The following AKAP10 variants were observed in gnomAD, a reference collection of about 807,000 sequenced individuals.
AKAP10 encodes the protein A-kinase anchoring protein 10.
In AKAP10, 24 loss-of-function variants were observed where a neutral mutation model predicts 80.8. That is an observed-to-expected ratio of 0.30 (90% confidence interval 0.22 to 0.42). The LOEUF is 0.42. Ranked by LOEUF, AKAP10 falls within the 10% of genes least tolerant of loss-of-function variation. AKAP10 has a pLI of 1.00. For missense variants in AKAP10, 661 were observed against 794.9 expected (o/e 0.83, Z 2.03); for synonymous variants, 291 against 277.7 (o/e 1.05, Z -0.48).
chr17:19,931,679 C>G, intron 10 of AKAP10, 126 bp downstream of exon 10: 1 of 1,177,206 alleles, frequency 8.5e-7, no homozygotes. Flanking sequence ...GCACAGGCCA[C>G]TGTGCCTGGC....
intron 11 of AKAP10, among the ~76,000 whole-genome samples, chr17:19,923,936 C>T (rs1331607583): frequency 6.6e-6 from 1 of 152,088 alleles, no homozygotes; most frequent in Non-Finnish European, 1.5e-5. Context: ...CCTTTACACA[C>T]CTTTACATGT....
At chr17:19,916,520 T>C (rs1025865186) in intron 12 of AKAP10, among the ~76,000 whole-genome samples, 2 of 151,892 alleles carry the variant, frequency 1.3e-5, no homozygotes, top group African/African-American at 4.8e-5. Context: ...TTAATTCATA[T>C]AAAACAAACA....
At chr17:19,966,667 G>A (rs1265137359) in intron 2 of AKAP10, among the ~76,000 whole-genome samples, 1 of 152,112 alleles carries the variant, frequency 6.6e-6, no homozygotes, top group Non-Finnish European at 1.5e-5. Flanking sequence ...GAATTTTTTA[G>A]CCCAGTAGAG....
intron 12 of AKAP10, among the ~76,000 whole-genome samples, chr17:19,916,888 C>G (rs1169959861): frequency 2.1e-5 from 3 of 145,762 alleles, no homozygotes; most frequent in African/African-American, 5.1e-5. Context: ...AGTGAGCCGA[C>G]ATCGTGCCAC....
rs961615716 is a variant in AKAP10, at chr17:19,957,906, G to A, written c.877+108C>T. On this transcript the variant is annotated intron_variant, in intron 4 of 14. Transcript: ENST00000225737. ...CTCCCAAATTTACAAGTAGTTAGAG[G>A]AGAAAAAAAATATTCCAATCATTTT... is the stretch of plus-strand genomic sequence containing the variant. The A allele has an allele frequency of 3.3e-6, 4 of 1,214,112 alleles. No homozygotes were observed. In the African/African-American group the frequency reaches 6.1e-5, roughly 19 times the overall value. 75.2% of individuals were successfully genotyped at this position (1,214,112 alleles called of 1,614,324 possible).
intron 7 of AKAP10, 52 bp downstream of exon 7, chr17:19,940,834 TA>T (rs2043044092): frequency 1.3e-6 from 2 of 1,522,264 alleles, no homozygotes; most frequent in Non-Finnish European, 1.8e-6. Context: ...CCAGCATTGA[TA>T]GTTAGAGGCT....
chr17:19,920,431 G>T (rs933338982), intron 11 of AKAP10, among the ~76,000 whole-genome samples: 2 of 152,102 alleles, frequency 1.3e-5, no homozygotes, highest in Non-Finnish European at 2.9e-5. Context: ...TTTTGTAAAA[G>T]AAGCACCCAA....
chr17:19,908,413 T>C (rs928161165), intron 14 of AKAP10, among the ~76,000 whole-genome samples: 13 of 152,150 alleles, frequency 8.5e-5, no homozygotes, highest in African/African-American at 3.1e-4. Context: ...GCCAGATCCT[T>C]CTGGCCATGA....
chr17:19,946,253 A>ATATATATATATATT (rs2043119474), intron 5 of AKAP10, among the ~76,000 whole-genome samples: 1 of 20,822 alleles, frequency 4.8e-5, no homozygotes, highest in African/African-American at 1.9e-4. Context: ...ATATATATAT[A>ATATATATATATATT]TATATATATA....
At chr17:19,942,615 T>A (rs1356898314) in intron 5 of AKAP10, among the ~76,000 whole-genome samples, 1 of 152,208 alleles carries the variant, frequency 6.6e-6, no homozygotes, top group Non-Finnish European at 1.5e-5. Context: ...GTAAAAAAGT[T>A]TATTAAAATG....
chr17:19,951,794 G>A (rs1324530109), intron 4 of AKAP10, among the ~76,000 whole-genome samples: 4 of 151,514 alleles, frequency 2.6e-5, no homozygotes, highest in African/African-American at 9.7e-5. Context: ...GAAAACCAGA[G>A]ACCTTGTTCA....
At chr17:19,921,045 T>A (rs1302338607) in intron 11 of AKAP10, among the ~76,000 whole-genome samples, 1 of 145,312 alleles carries the variant, frequency 6.9e-6, no homozygotes, top group Non-Finnish European at 1.5e-5. Context: ...CCAACAGAAA[T>A]AATGTGAAAA....
chr17:19,936,138 G>A (rs1303017484), intron 9 of AKAP10, 148 bp downstream of exon 9: 2 of 836,432 alleles, frequency 2.4e-6, no homozygotes, highest in East Asian at 5.4e-5. Flanking sequence ...GTACATACCA[G>A]GCCAGACTCA....
chr17:19,906,907 TTC>T (rs1289911016), intron 14 of AKAP10, among the ~76,000 whole-genome samples: 1 of 152,188 alleles, frequency 6.6e-6, no homozygotes, highest in Non-Finnish European at 1.5e-5. Context: ...GGTGTCGAAT[TTC>T]TCTGATCTAC....
At chr17:19,908,768 T>C (rs889539379) in intron 14 of AKAP10, among the ~76,000 whole-genome samples, 3 of 152,028 alleles carry the variant, frequency 2.0e-5, no homozygotes, top group African/African-American at 7.3e-5. Flanking sequence ...GCCTCCCAAA[T>C]AGTTGGGATT....
chr17:19,962,295 TACACACACACACAC>T (rs36115670), intron 3 of AKAP10, among the ~76,000 whole-genome samples: 1 of 125,054 alleles, frequency 8.0e-6, no homozygotes, highest in African/African-American at 3.1e-5. Context: ...TACATACATA[TACACACACACACAC>T]ACACACACAC....
chr17:19,956,958 C>T lies in AKAP10; in HGVS notation c.877+1056G>A, dbSNP rs2043284075. Among the ~76,000 whole-genome samples, 4 of 152,056 alleles carry T rather than the reference C, an allele frequency of 2.6e-5. No homozygotes were observed. In the South Asian group the frequency reaches 8.3e-4, roughly 32 times the overall value. On this transcript the variant is annotated intron_variant, in intron 4 of 14. Transcript: ENST00000225737. ...GAGGAAGGAAATAACATGCTGAAAA[C>T]TTGATTCAGTAGCAGATTAGACCTC... is the stretch of plus-strand genomic sequence containing the variant.
chr17:19,966,165 T>C (rs1017562487), intron 2 of AKAP10, among the ~76,000 whole-genome samples: 1 of 152,090 alleles, frequency 6.6e-6, no homozygotes, highest in Non-Finnish European at 1.5e-5. Flanking sequence ...AAACTGAACA[T>C]ATAATTTCCT....
At chr17:19,916,930 C>T (rs973678276) in intron 12 of AKAP10, among the ~76,000 whole-genome samples, 2 of 146,564 alleles carry the variant, frequency 1.4e-5, no homozygotes, top group African/African-American at 5.1e-5. Context: ...GAGCGAGAGT[C>T]TGTCTCAAAA....
Sources: allele counts gnomAD v4.1 joint callset (sites outside exome capture counted in the v4.1 genomes callset), GRCh38; gene constraint gnomAD v4.1.1; transcripts MANE v1.5; gene names NCBI Gene and HGNC (gene_info 2026-07-23, HGNC 2026-07-21).